Variants in LPCAT1 observed in about 807,000 individuals in gnomAD.
The protein encoded by LPCAT1 is 1-acylglycerol-3-phosphate O-acyltransferase.
In LPCAT1, 23 loss-of-function variants were observed where a neutral mutation model predicts 60.9. The observed-to-expected ratio is 0.38, with a 90% CI of 0.27 to 0.53. The LOEUF is 0.53. LPCAT1 is among the 20% of genes least tolerant of loss of function. LPCAT1 has a pLI of 0.82. For synonymous variants in LPCAT1, 340 were observed against 301.1 expected (o/e 1.13, Z -1.34); for missense variants, 622 against 723.6 (o/e 0.86, Z 1.61).
Position 1,483,699 on chromosome 5 carries a change from C to A in LPCAT1, c.668-213G>T, listed in dbSNP as rs753754415. Among the ~76,000 whole-genome samples, 1 of 152,214 alleles carries A rather than the reference C, an allele frequency of 6.6e-6. No individual in the cohort carries two copies. The highest frequency in any genetic ancestry group is 1.5e-5 in the Non-Finnish European group (1 of 68,050). On this transcript the variant is annotated intron_variant, in intron 5 of 13. Transcript: ENST00000283415. The surrounding 1 kb of genome is among the most constrained non-coding windows in gnomAD (Gnocchi z 9.2). Reference sequence around the variant, plus strand: ...GATGGGCAGGAACATCGGCCAGGGGCGCTCCCCGGCCAAGGAACACTTTCT... The same window carrying A: ...GATGGGCAGGAACATCGGCCAGGGGAGCTCCCCGGCCAAGGAACACTTTCT...
At chr5:1,475,431 T>G (rs1378813806) in intron 9 of LPCAT1, among the ~76,000 whole-genome samples, 1 of 152,192 alleles carries the variant, frequency 6.6e-6, no homozygotes, top group African/African-American at 2.4e-5. Flanking sequence ...CAGCCACACC[T>G]GGGGCCATCC....
intron 12 of LPCAT1, among the ~76,000 whole-genome samples, chr5:1,468,128 C>T (rs746742354): frequency 1.3e-5 from 2 of 152,162 alleles, no homozygotes; most frequent in East Asian, 3.9e-4. Context: ...AAGCTGTCCC[C>T]GCGTTCACAC....
At chr5:1,517,773 G>C (rs1736548615) in intron 1 of LPCAT1, among the ~76,000 whole-genome samples, 1 of 152,184 alleles carries the variant, frequency 6.6e-6, no homozygotes, top group Admixed American at 6.5e-5. Flanking sequence ...AGTTCGTCTA[G>C]GAACAGAGGC....
chr5:1,512,076 A>G (rs1331918097), intron 1 of LPCAT1, among the ~76,000 whole-genome samples: 1 of 152,194 alleles, frequency 6.6e-6, no homozygotes, highest in African/African-American at 2.4e-5. Context: ...ACCAGGACAC[A>G]GCAGGTGGCA....
chr5:1,512,630 GC>G (rs1293937333), intron 1 of LPCAT1, among the ~76,000 whole-genome samples: 1 of 152,158 alleles, frequency 6.6e-6, no homozygotes, highest in Non-Finnish European at 1.5e-5. Flanking sequence ...ACTCCCTCGG[GC>G]CCCCTGAGCT....
chr5:1,509,886 C>T (rs1234610354), intron 1 of LPCAT1, among the ~76,000 whole-genome samples: 19 of 152,190 alleles, frequency 1.2e-4, no homozygotes, highest in Admixed American at 6.5e-5. Flanking sequence ...GCCCGAGGCA[C>T]GGCCCGCACC....
At position 1,489,683 on chromosome 5, in the gene LPCAT1, CTCGCG is replaced by C. The variant is rs1463861835; in HGVS notation, c.606+58_606+62del. ...AAGGGCCCCAGTTTCTTTCTCCCCA[CTCGCG>C]AAGTTCGCATCTTTCGGAATAAAAC... is the stretch of plus-strand genomic sequence containing the variant. On this transcript the variant is annotated intron_variant, in intron 4 of 13. Coordinates refer to ENST00000283415, the MANE Select transcript of LPCAT1 (RefSeq NM_024830.5). 9.8e-6 allele frequency: 12 copies of C among 1,228,156 alleles called. No individual in the cohort carries two copies. In the African/African-American group the frequency reaches 1.6e-4, roughly 17 times the overall value. 76.1% of individuals were successfully genotyped at this position (1,228,156 alleles called of 1,614,324 possible).
At chr5:1,490,004 C>T in intron 3 of LPCAT1, 146 bp from the exon 4 acceptor site, 1 of 673,896 alleles carries the variant, frequency 1.5e-6, no homozygotes, top group Non-Finnish European at 2.7e-6. Flanking sequence ...GGCTGTGAGT[C>T]CCTGACTGAG....
chr5:1,501,709 G>A, intron 1 of LPCAT1, 106 bp from the exon 2 acceptor site: 2 of 1,165,454 alleles, frequency 1.7e-6, no homozygotes, highest in East Asian at 2.4e-5. Context: ...ACAGAGTGGA[G>A]AGCTGGGGAG....
intron 1 of LPCAT1, among the ~76,000 whole-genome samples, chr5:1,520,860 C>CAA (rs59074953): frequency 7.9e-4 from 65 of 82,034 alleles, no homozygotes; most frequent in African/African-American, 2.2e-3. Context: ...GAGACTGTCT[C>CAA]AAAAAAAAAA....
intron 1 of LPCAT1, among the ~76,000 whole-genome samples, chr5:1,507,244 A>C (rs1402980092): frequency 6.6e-6 from 1 of 152,174 alleles, no homozygotes; most frequent in Admixed American, 6.5e-5. Flanking sequence ...TCCCAAGACA[A>C]GCTGCTGATG....
In LPCAT1 at chr5:1,474,002, G is replaced by A. The variant is rs201103291; in HGVS notation, c.1134C>T (p.Val378=). ...TGTCTTCCAGCAAGTCAGAAACGGG[G>A]ACTTCCAGGGAGGCGGCAAACTCCG... is the stretch of plus-strand genomic sequence containing the variant. The part of the protein sequence containing the change: ...GIAEFAASLE[V]PVSDLLEDMF... Residue 378 remains valine (V), a synonymous_variant, in exon 11 of 14, where the codon GTC becomes GTT. Coordinates refer to ENST00000283415, the MANE Select transcript of LPCAT1 (RefSeq NM_024830.5). 192 of 1,614,204 alleles carry A rather than the reference G, an allele frequency of 1.2e-4. No homozygotes were observed. Among genetic ancestry groups the A allele is most frequent in the Non-Finnish European group, 1.5e-4 (179 of 1,180,044 alleles).
chr5:1,486,261 C>G (rs1184467167), intron 5 of LPCAT1, among the ~76,000 whole-genome samples: 1 of 152,230 alleles, frequency 6.6e-6, no homozygotes, highest in Non-Finnish European at 1.5e-5. Context: ...CTGCTGAGCT[C>G]TATCACCCCC....
rs112804750 is a variant in LPCAT1, at chr5:1,491,974, T to C, written c.494-2116A>G. Among the ~76,000 whole-genome samples, 1,285 of 152,146 alleles carry C rather than the reference T, an allele frequency of 8.4e-3. 19 individuals are homozygous for C. The highest frequency in any genetic ancestry group is 0.03 in the African/African-American group (1,232 of 41,512). ...TCACCACAAGCTGGGACCGGGGAGATGTCTCTGAGCTGGAAACCTGGGAGA... is the reference window on the plus strand; with the variant it reads ...TCACCACAAGCTGGGACCGGGGAGACGTCTCTGAGCTGGAAACCTGGGAGA... On this transcript the variant is annotated intron_variant, in intron 3 of 13. Transcript: ENST00000283415.
At position 1,520,582 on chromosome 5, in the gene LPCAT1, C is replaced by A. The variant is rs180884049; in HGVS notation, c.135+3128G>T. Among the ~76,000 whole-genome samples the A allele has an allele frequency of 3.9e-4, 60 of 152,188 alleles. 1 individual carries two copies. The highest frequency in any genetic ancestry group is 1.4e-3 in the African/African-American group (60 of 41,508). On this transcript the variant is annotated intron_variant, in intron 1 of 13. Coordinates refer to ENST00000283415, the MANE Select transcript of LPCAT1 (RefSeq NM_024830.5). ...GACTTTAGAAATGGGGAAAATGGGC[C>A]GGGCGCGGTGGTTCACGCCTGTAAT...
chr5:1,463,424 G>A lies in LPCAT1; in HGVS notation c.*227C>T, dbSNP rs1026997589. On this transcript the variant is annotated 3_prime_UTR_variant, in exon 14 of 14. Coordinates refer to ENST00000283415, the MANE Select transcript of LPCAT1 (RefSeq NM_024830.5). ...TGACCCCACGGGGTCCAGGCCAGGC[G>A]GGGGATCCGCGTGCGCGCCCTCCGA... The A allele has an allele frequency of 1.1e-5, 6 of 552,732 alleles. No homozygotes were observed. Among genetic ancestry groups the A allele is most frequent in the African/African-American group, 3.8e-5 (2 of 52,156 alleles). The allele number at this position is 552,732 out of a possible 1,614,324, so 34.2% of individuals were successfully genotyped here.
chr5:1,468,554 T>C (rs1734534706), intron 12 of LPCAT1, among the ~76,000 whole-genome samples: 1 of 152,098 alleles, frequency 6.6e-6, no homozygotes, highest in African/African-American at 2.4e-5. Context: ...CTCGTGTAGA[T>C]GCTGCACGGG....
At chr5:1,470,510 G>A (rs1304428304) in intron 12 of LPCAT1, among the ~76,000 whole-genome samples, 1 of 152,208 alleles carries the variant, frequency 6.6e-6, no homozygotes, top group African/African-American at 2.4e-5. Flanking sequence ...GACAAGGTGT[G>A]TGGCCCCTGT....
intron 1 of LPCAT1, among the ~76,000 whole-genome samples, chr5:1,503,846 G>A (rs560980298): frequency 6.6e-6 from 1 of 151,848 alleles, no homozygotes; most frequent in South Asian, 2.1e-4. Context: ...CTGCCTTTAA[G>A]ATAACAGTGA....
Sources: gnomAD v4.1 joint callset for allele counts (sites outside exome capture counted in the v4.1 genomes callset) on GRCh38, gnomAD v4.1.1 for gene constraint, Gnocchi (gnomAD v3.1) non-coding constraint, MANE v1.5 for transcripts, NCBI Gene and HGNC (gene_info 2026-07-23, HGNC 2026-07-21) for gene names.